The following RTN4 variants were observed in gnomAD, a reference collection of about 807,000 sequenced individuals.
RTN4 encodes the protein reticulon 4.
RTN4 carries 32 observed loss-of-function variants against 90.4 expected under a neutral mutation model. The ratio of observed to expected loss-of-function variants is 0.35; its 90% CI spans 0.27 to 0.48. RTN4 has a LOEUF of 0.48. Ranked by LOEUF, RTN4 falls within the 20% of genes least tolerant of loss-of-function variation. The pLI is 0.99. For missense variants in RTN4, 1,706 were observed against 1,430.2 expected (o/e 1.19, Z -3.11); for synonymous variants, 629 against 552.5 (o/e 1.14, Z -1.94).
chr2:55,122,317 C>G, the RTN4 span, among the ~76,000 whole-genome samples: 8 of 152,094 alleles, frequency 5.3e-5, no homozygotes. Context: ...CTGATTTTTA[C>G]AGGTTCCCCG....
At chr2:55,027,574 T>C (rs986870862) in intron 2 of RTN4, 89 bp from the exon 3 acceptor site, 2 of 1,342,944 alleles carry the variant, frequency 1.5e-6, no homozygotes, top group African/African-American at 2.9e-5. Context: ...ATAGTGTTAG[T>C]AAAGACTTAC....
intron 2 of RTN4, among the ~76,000 whole-genome samples, chr2:55,075,861 G>T (rs888435722): frequency 6.6e-6 from 1 of 152,186 alleles, no homozygotes; most frequent in Non-Finnish European, 1.5e-5. Flanking sequence ...TTCAACAAAT[G>T]ATGCTGGGAT....
At chr2:55,136,705 C>T in the RTN4 span, among the ~76,000 whole-genome samples, 1 of 152,228 alleles carries the variant, frequency 6.6e-6, no homozygotes, top group South Asian at 2.1e-4. Context: ...TAGCTATGAA[C>T]ATTTGATTAC....
chr2:55,037,741 T>C (rs1682790647), intron 1 of RTN4, among the ~76,000 whole-genome samples: 2 of 152,194 alleles, frequency 1.3e-5, no homozygotes, highest in Admixed American at 1.3e-4. Flanking sequence ...AATCTCTAGA[T>C]TCAATGCAAT....
Position 54,975,252 on chromosome 2 carries a change from C to T in RTN4, c.3361-488G>A, listed in dbSNP as rs547991227. Among the ~76,000 whole-genome samples, 392 of 152,274 alleles carry T rather than the reference C, an allele frequency of 2.6e-3. 3 individuals carry two copies. Among genetic ancestry groups the T allele is most frequent in the African/African-American group, 9.0e-3 (373 of 41,546 alleles). On this transcript the variant is annotated intron_variant, in intron 5 of 8. Coordinates refer to ENST00000337526, the MANE Select transcript of RTN4 (RefSeq NM_020532.5). Reference sequence around the variant, plus strand: ...ATTACGTTTCAGGTACCAAAAATATCACCTCTAGCCTTTGAAGGATCAGGC... The same window carrying T: ...ATTACGTTTCAGGTACCAAAAATATTACCTCTAGCCTTTGAAGGATCAGGC...
chr2:55,049,624 A>T, intron 1 of RTN4, 121 bp downstream of exon 1: 4 of 1,488,556 alleles, frequency 2.7e-6, no homozygotes, highest in Non-Finnish European at 3.7e-6. Flanking sequence ...CATCGCCCCG[A>T]AGTCCGCAGA....
rs574864933 is a variant in RTN4, at chr2:55,040,930, A to AGAAAAAC, written c.556+8808_556+8814dup. 1.6e-3 allele frequency among the ~76,000 whole-genome samples: 242 copies of AGAAAAAC among 152,166 alleles called. 1 individual carries two copies. Among genetic ancestry groups the AGAAAAAC allele is most frequent in the Middle Eastern group, 6.8e-3 (2 of 294 alleles). The stretch of plus-strand genomic sequence containing the variant: ...ATCTGTGGTAACAATTCCATCAATG[A>AGAAAAAC]GAAAAACAAGCTATTAAAGAAATAA... On this transcript the variant is annotated intron_variant, in intron 1 of 8. Coordinates refer to ENST00000337526, the MANE Select transcript of RTN4 (RefSeq NM_020532.5).
At chr2:55,017,990 T>G (rs1351604996) in intron 3 of RTN4, among the ~76,000 whole-genome samples, 1 of 152,216 alleles carries the variant, frequency 6.6e-6, no homozygotes, top group Non-Finnish European at 1.5e-5. Context: ...GAATCGCAGT[T>G]CATTCTTGTG....
At chr2:55,030,848 G>C (rs897061112) in intron 1 of RTN4, among the ~76,000 whole-genome samples, 46 of 152,152 alleles carry the variant, frequency 3.0e-4, no homozygotes, top group African/African-American at 9.4e-4. Context: ...TAGTTCTCCT[G>C]AAACAAGGTA....
intron 2 of RTN4, among the ~76,000 whole-genome samples, chr2:55,061,591 T>A (rs1159461225): frequency 2.0e-5 from 3 of 152,178 alleles, no homozygotes; most frequent in Non-Finnish European, 4.4e-5. Context: ...TACTGCAATG[T>A]TAAAGAGACA....
At chr2:55,115,269 C>T (rs1367600364), upstream of RTN4, among the ~76,000 whole-genome samples, 1 of 152,224 alleles carries the variant, frequency 6.6e-6, no homozygotes, top group Admixed American at 6.5e-5. Context: ...AGAGGACAAT[C>T]TGTTTCTATG....
chr2:55,012,325 A>G (rs1680703759), intron 3 of RTN4, among the ~76,000 whole-genome samples: 1 of 152,184 alleles, frequency 6.6e-6, no homozygotes, highest in African/African-American at 2.4e-5. Context: ...AAAAGTCAAA[A>G]TAGGAGCCCT....
intron 3 of RTN4, 44 bp from the exon 4 acceptor site, chr2:54,987,742 C>A: frequency 6.7e-7 from 1 of 1,499,162 alleles, no homozygotes; most frequent in South Asian, 1.2e-5. Context: ...GTTATTTTAT[C>A]AATTTGGATT....
chr2:55,095,653 CT>C (rs1669017594), intron 1 of RTN4, among the ~76,000 whole-genome samples: 2 of 152,196 alleles, frequency 1.3e-5, no homozygotes, highest in African/African-American at 4.8e-5. Context: ...CTCCCTGCCC[CT>C]GACTCCCCTA....
intron 1 of RTN4, among the ~76,000 whole-genome samples, chr2:55,107,381 G>C (rs1160308343): frequency 7.2e-6 from 1 of 138,760 alleles, no homozygotes; most frequent in Non-Finnish European, 1.5e-5. Context: ...ATTTAAATTT[G>C]CTGAATGTAA....
chr2:55,018,393 G>T (rs2104825563), intron 3 of RTN4, among the ~76,000 whole-genome samples: 1 of 152,274 alleles, frequency 6.6e-6, no homozygotes, highest in African/African-American at 2.4e-5. Context: ...ATTAGTCAGT[G>T]GGAGAAGGAC....
At chr2:55,114,905 A>G (rs2105071613), upstream of RTN4, among the ~76,000 whole-genome samples, 1 of 152,170 alleles carries the variant, frequency 6.6e-6, no homozygotes, top group East Asian at 1.9e-4. Flanking sequence ...CATCAGCTTA[A>G]AGATGCCTTA....
At chr2:55,029,234 A>C (rs962544065) in intron 1 of RTN4, among the ~76,000 whole-genome samples, 1 of 152,152 alleles carries the variant, frequency 6.6e-6, no homozygotes, top group East Asian at 1.9e-4. Flanking sequence ...CCTTGCCAGC[A>C]CCTTGATCTT....
intron 1 of RTN4, among the ~76,000 whole-genome samples, chr2:55,041,404 T>A (rs1683065440): frequency 2.6e-5 from 4 of 152,034 alleles, no homozygotes; most frequent in Admixed American, 2.6e-4. Context: ...AAAAAAATTT[T>A]AAGATGAAGT....
Sources: allele counts gnomAD v4.1 joint callset (sites outside exome capture counted in the v4.1 genomes callset), GRCh38; gene constraint gnomAD v4.1.1; transcripts MANE v1.5; gene names NCBI Gene and HGNC (gene_info 2026-07-23, HGNC 2026-07-21).